The following NRG1 variants were observed in gnomAD, a reference collection of about 807,000 sequenced individuals.
NRG1 encodes neuregulin 1, also known as pro-neuregulin-1, membrane-bound isoform.
Under a neutral mutation model 63.8 loss-of-function variants are expected in NRG1, and 18 were observed. The observed-to-expected ratio is 0.28, with a 90% CI of 0.19 to 0.42. The LOEUF (loss-of-function observed/expected upper bound fraction) is 0.42. Among genes scored for constraint, NRG1 ranks in the 10% least tolerant of loss-of-function variants. The pLI, the probability that NRG1 is intolerant of heterozygous loss-of-function variation, is 1.00. For missense variants in NRG1, 762 were observed against 814.7 expected (o/e 0.94, Z 0.79); for synonymous variants, 302 against 301.3 (o/e 1.00, Z -0.02).
rs149742517 is a variant in NRG1, at chr8:32,322,355, T to TTATATA, written c.38-273456_38-273451dup. On this transcript the variant is annotated intron_variant, in intron 1 of 10. Transcript: ENST00000519301. Reference sequence around the variant, plus strand: ...AACCTTATTTAAGTGCAACCTTATTTTATATATATATATATATATATACCC... The same window carrying TTATATA: ...AACCTTATTTAAGTGCAACCTTATTTTATATATATATATATATATATATATATACCC... Among the ~76,000 whole-genome samples, 826 of 142,636 alleles carry TTATATA rather than the reference T, an allele frequency of 5.8e-3. 11 individuals carry two copies. Among genetic ancestry groups the TTATATA allele is most frequent in the East Asian group, 0.044 (218 of 4,980 alleles). The allele number at this position is 142,636 out of a possible 152,430, so 93.6% of individuals were successfully genotyped here.
At chr8:31,975,196 C>A (rs529046850) in intron 1 of NRG1, among the ~76,000 whole-genome samples, 2 of 152,284 alleles carry the variant, frequency 1.3e-5, no homozygotes, top group South Asian at 4.2e-4. Flanking sequence ...CATGTAATAT[C>A]ATCCCCACTT....
intron 1 of NRG1, among the ~76,000 whole-genome samples, chr8:32,260,086 T>C (rs535548254): frequency 6.6e-6 from 1 of 152,286 alleles, no homozygotes; most frequent in Admixed American, 6.5e-5. Flanking sequence ...TGGGACACCA[T>C]TGTCATACAC....
rs568978776 is a variant in NRG1 at position 32,687,273 on chromosome 8, AT to A, written c.503-40672del. 2.3e-3 allele frequency among the ~76,000 whole-genome samples: 350 copies of A among 152,308 alleles called. 1 individual carries two copies. The highest frequency in any genetic ancestry group is 8.1e-3 in the African/African-American group (336 of 41,564). ...GGTTGTTCTGGTATCATCTGTGGGAATTTTACACAAACTATTTTAGGAGGAA... is the reference window on the plus strand; with the variant it reads ...GGTTGTTCTGGTATCATCTGTGGGAATTTACACAAACTATTTTAGGAGGAA... On this transcript the variant is annotated intron_variant, in intron 5 of 11. Coordinates refer to ENST00000356819, the Ensembl canonical transcript of NRG1.
intron 1 of NRG1, among the ~76,000 whole-genome samples, chr8:31,899,088 A>G (rs941154858): frequency 2.0e-5 from 3 of 146,872 alleles, no homozygotes; most frequent in Non-Finnish European, 4.5e-5. Flanking sequence ...TGTAAAATAT[A>G]TTAAAAAATT....
At chr8:32,141,388 C>T (rs1357225393) in intron 1 of NRG1, among the ~76,000 whole-genome samples, 2 of 151,774 alleles carry the variant, frequency 1.3e-5, no homozygotes, top group African/African-American at 4.8e-5. Context: ...TAATAAAGAA[C>T]TGCTAATACC....
At chr8:31,766,438 CAG>C (rs1383217126) in intron 1 of NRG1, among the ~76,000 whole-genome samples, 11 of 152,108 alleles carry the variant, frequency 7.2e-5, no homozygotes, top group Non-Finnish European at 1.3e-4. Flanking sequence ...TTAAGAGAAA[CAG>C]AGAAACCAAA....
intron 1 of NRG1, among the ~76,000 whole-genome samples, chr8:32,593,854 CAAAAAAAAA>C (rs11444147): frequency 1.0e-5 from 1 of 97,076 alleles, no homozygotes; most frequent in African/African-American, 4.0e-5. Flanking sequence ...TTCAAGGTGT[CAAAAAAAAA>C]AAAAAAAAAA....
At chr8:32,773,574 C>G (rs1357278353) in intron 7 of NRG1, among the ~76,000 whole-genome samples, 1 of 152,132 alleles carries the variant, frequency 6.6e-6, no homozygotes, top group Non-Finnish European at 1.5e-5. Flanking sequence ...GGTGATTGTA[C>G]CACTGACAGG....
At chr8:32,598,514 C>T (rs564070402) in intron 2 of NRG1, among the ~76,000 whole-genome samples, 14 of 152,136 alleles carry the variant, frequency 9.2e-5, no homozygotes, top group Admixed American at 2.6e-4. Context: ...TTCATAGGTC[C>T]AGACAGCTAA....
At chr8:31,750,086 A>G (rs1816299962) in intron 1 of NRG1, among the ~76,000 whole-genome samples, 1 of 151,928 alleles carries the variant, frequency 6.6e-6, no homozygotes, top group African/African-American at 2.4e-5. Flanking sequence ...CAGCCACAGT[A>G]GAAGAGGAAA....
intron 5 of NRG1, among the ~76,000 whole-genome samples, chr8:32,698,282 C>T (rs1467429236): frequency 6.6e-6 from 1 of 151,852 alleles, no homozygotes; most frequent in East Asian, 1.9e-4. Flanking sequence ...GAGAGAATTG[C>T]CTCTTTTCTG....
At position 32,419,719 on chromosome 8, in the gene NRG1, C is replaced by T. The variant is rs140599807; in HGVS notation, c.38-176109C>T. Reference sequence around the variant, plus strand: ...GCAGAATTCAAAACATTTTTAAAAACACCCATTTCAATAATATTGCATGCA... The same window carrying T: ...GCAGAATTCAAAACATTTTTAAAAATACCCATTTCAATAATATTGCATGCA... On this transcript the variant is annotated intron_variant, in intron 1 of 10. Coordinates refer to the NRG1 transcript ENST00000519301. Among the ~76,000 whole-genome samples the T allele has an allele frequency of 4.0e-3, 602 of 152,248 alleles. 2 individuals are homozygous for T. The highest frequency in any genetic ancestry group is 0.013 in the African/African-American group (552 of 41,562).
chr8:32,327,056 A>G (rs899083478), intron 1 of NRG1, among the ~76,000 whole-genome samples: 3 of 152,208 alleles, frequency 2.0e-5, no homozygotes, highest in African/African-American at 7.2e-5. Context: ...GAAGTCCTCC[A>G]GCCCTGTGCT....
chr8:31,714,543 T>TA (rs1812157561), intron 1 of NRG1, among the ~76,000 whole-genome samples: 1 of 152,204 alleles, frequency 6.6e-6, no homozygotes, highest in Admixed American at 6.5e-5. Context: ...ATTCTGACCA[T>TA]AAAATGCTTG....
chr8:32,430,064 C>T (rs541017089), intron 1 of NRG1, among the ~76,000 whole-genome samples: 148 of 152,218 alleles, frequency 9.7e-4, no homozygotes, highest in African/African-American at 3.5e-3. Context: ...CTGTTCTTGA[C>T]TGTGCTATCA....
intron 1 of NRG1, among the ~76,000 whole-genome samples, chr8:32,358,965 G>GTTTGT (rs754891414): frequency 2.8e-4 from 42 of 152,216 alleles, no homozygotes; most frequent in African/African-American, 6.5e-4. Context: ...GTGAGGTAGG[G>GTTTGT]TTTGTTTTGT....
At chr8:31,947,097 G>C (rs1231762534) in intron 1 of NRG1, among the ~76,000 whole-genome samples, 1 of 151,406 alleles carries the variant, frequency 6.6e-6, no homozygotes, top group Non-Finnish European at 1.5e-5. Context: ...TCAGGAGATC[G>C]AGACCATCCT....
intron 1 of NRG1, among the ~76,000 whole-genome samples, chr8:31,962,233 A>G (rs762108094): frequency 2.0e-5 from 3 of 152,214 alleles, no homozygotes; most frequent in Non-Finnish European, 2.9e-5. Context: ...GTCTACAGAA[A>G]ACAACCTGAT....
At chr8:32,645,557 A>T (rs3808368) in intron 5 of NRG1, among the ~76,000 whole-genome samples, 17,775 of 152,256 alleles carry the variant, frequency 0.12, 2,350 homozygotes, top group East Asian at 0.54. Flanking sequence ...TTTAAAGCTG[A>T]AACATACCTC....
Sources: allele counts gnomAD v4.1 joint callset (sites outside exome capture counted in the v4.1 genomes callset), GRCh38; gene constraint gnomAD v4.1.1; transcripts MANE v1.5; gene names NCBI Gene and HGNC (gene_info 2026-07-23, HGNC 2026-07-21).